Variants in PGM1 observed in about 807,000 individuals in gnomAD.
The protein encoded by PGM1 is phosphoglucomutase-1.
Under a neutral mutation model 55.6 loss-of-function variants are expected in PGM1, and 52 were observed. The ratio of observed to expected loss-of-function variants is 0.94; its 90% CI spans 0.75 to 1.18. The LOEUF (loss-of-function observed/expected upper bound fraction) is 1.18. PGM1 is among the 50% of genes most tolerant of loss of function. The probability of loss-of-function intolerance (pLI) is 0.00; values close to 1 mark genes in which losing one functional copy is unlikely to be tolerated. For synonymous variants in PGM1, 287 were observed against 271.7 expected, an observed-to-expected ratio of 1.06 and a Z score of -0.55; for missense variants, 724 against 729.3, an observed-to-expected ratio of 0.99 and a Z score of 0.08.
chr1:63,623,904 A>T, intron 1 of PGM1: 1 of 613,604 alleles, frequency 1.6e-6, no homozygotes, highest in South Asian at 2.2e-5. Context: ...AACTTCAGTG[A>T]TTGTATATTG....
chr1:63,623,760 G>C, intron 1 of PGM1: 1 of 1,604,264 alleles, frequency 6.2e-7, no homozygotes, highest in African/African-American at 1.3e-5. Flanking sequence ...CTGCCAATGG[G>C]GTGGGTATAT....
intron 7 of PGM1, among the ~76,000 whole-genome samples, chr1:63,641,611 C>A (rs1649520467): frequency 6.6e-6 from 1 of 152,178 alleles, no homozygotes; most frequent in South Asian, 2.1e-4. Flanking sequence ...GAGACAATTT[C>A]TCAAAAACGT....
chr1:63,651,394 C>T, intron 8 of PGM1: 2 of 406,864 alleles, frequency 4.9e-6, no homozygotes, highest in Middle Eastern at 7.3e-4. Context: ...GCCTTTGAAA[C>T]ATCTTAGAGC....
chr1:63,636,841 T>A (rs994569979), intron 6 of PGM1, among the ~76,000 whole-genome samples: 8 of 152,212 alleles, frequency 5.3e-5, no homozygotes, highest in Admixed American at 1.3e-4. Context: ...TTCTGGAGGA[T>A]CACTTTTCTT....
In PGM1 at chr1:63,634,985, A is replaced by G. The variant is rs1482368227; in HGVS notation, c.839A>G (p.Glu280Gly). ...CTGGTGGAGACCATGAAGTCAGGAGAGCATGATTTTGGGGCTGCCTTTGAT... is the reference window on the plus strand; with the variant it reads ...CTGGTGGAGACCATGAAGTCAGGAGGGCATGATTTTGGGGCTGCCTTTGAT... ...ADLVETMKSG[E>G]HDFGAAFDGD... The change falls in exon 5 of 11, where the codon GAG becomes GGG. Residue 280 changes from glutamate (E) to glycine (G), a missense_variant. Around this residue, in one of 3 missense-constraint regions of PGM1, gnomAD observed 379 missense variants for 357.5 expected, o/e 1.06. Transcript: ENST00000371084. 4.3e-6 allele frequency: 7 copies of G among 1,613,920 alleles called. No individual in the cohort carries two copies. Among genetic ancestry groups the G allele is most frequent in the Middle Eastern group, 1.7e-4 (1 of 6,020 alleles).
intron 1 of PGM1, among the ~76,000 whole-genome samples, chr1:63,601,616 C>T (rs1648246327): frequency 1.3e-5 from 2 of 152,122 alleles, no homozygotes; most frequent in African/African-American, 4.8e-5. Context: ...AATGGCTAGC[C>T]GAGGGCTTCA....
At chr1:63,598,976 A>G (rs977802614) in intron 1 of PGM1, among the ~76,000 whole-genome samples, 2 of 152,210 alleles carry the variant, frequency 1.3e-5, no homozygotes, top group Admixed American at 6.5e-5. Flanking sequence ...CCATCTGCAA[A>G]CACTGCTGAA....
chr1:63,629,049 A>T (rs555545283), intron 1 of PGM1, among the ~76,000 whole-genome samples: 3 of 152,192 alleles, frequency 2.0e-5, no homozygotes, highest in African/African-American at 7.2e-5. Context: ...GATTGAAAGT[A>T]TGATTGAATT....
At chr1:63,656,993 A>G (rs527820059) in intron 10 of PGM1, among the ~76,000 whole-genome samples, 4 of 152,230 alleles carry the variant, frequency 2.6e-5, no homozygotes, top group Non-Finnish European at 5.9e-5. Flanking sequence ...ACCACAACAA[A>G]AAAGGTAAGT....
At chr1:63,655,025 A>G (rs979213183) in intron 10 of PGM1, among the ~76,000 whole-genome samples, 12 of 149,816 alleles carry the variant, frequency 8.0e-5, no homozygotes, top group African/African-American at 2.5e-4. Context: ...CTGGAGTGCA[A>G]TGGCACAATC....
At chr1:63,605,340 C>T (rs938730570) in intron 1 of PGM1, among the ~76,000 whole-genome samples, 2 of 152,144 alleles carry the variant, frequency 1.3e-5, no homozygotes, top group African/African-American at 2.4e-5. Context: ...TGATCAGTTC[C>T]ATGTGCTGGT....
At chr1:63,633,178 T>C (rs953087824) in intron 4 of PGM1, among the ~76,000 whole-genome samples, 1 of 152,182 alleles carries the variant, frequency 6.6e-6, no homozygotes, top group South Asian at 2.1e-4. Flanking sequence ...TCAGTTCTTA[T>C]GAAAGAAAGA....
chr1:63,597,241 A>T (rs1648103312), intron 1 of PGM1, among the ~76,000 whole-genome samples: 1 of 152,198 alleles, frequency 6.6e-6, no homozygotes, highest in Non-Finnish European at 1.5e-5. Flanking sequence ...TGGAGTTCCC[A>T]GAGTGGGTTT....
intron 1 of PGM1, among the ~76,000 whole-genome samples, chr1:63,617,579 C>T (rs1026322274): frequency 6.6e-6 from 1 of 151,832 alleles, no homozygotes; most frequent in East Asian, 1.9e-4. Context: ...TGGTGGCACA[C>T]ACCTGTAATC....
intron 8 of PGM1, chr1:63,651,412 T>C (rs772860693): frequency 8.5e-6 from 4 of 471,354 alleles, no homozygotes; most frequent in Non-Finnish European, 1.6e-5. Context: ...AGCTTTATTC[T>C]GTAGAAATGC....
intron 1 of PGM1, chr1:63,594,038 C>T (rs1440391945): frequency 1.1e-5 from 12 of 1,097,134 alleles, no homozygotes; most frequent in African/African-American, 1.7e-5. Flanking sequence ...CGCTGCCTTC[C>T]CTCTCCCCGT....
intron 1 of PGM1, among the ~76,000 whole-genome samples, chr1:63,614,941 TAAAG>T (rs761053572): frequency 7.3e-6 from 1 of 137,102 alleles, no homozygotes; most frequent in Non-Finnish European, 1.5e-5. Flanking sequence ...ATTTTACAAA[TAAAG>T]AAACTGAGGC....
chr1:63,653,014 C>G (rs1446748998), intron 9 of PGM1, among the ~76,000 whole-genome samples: 1 of 152,166 alleles, frequency 6.6e-6, no homozygotes, highest in Non-Finnish European at 1.5e-5. Flanking sequence ...TGTCATTAAG[C>G]CTTCAGAGAC....
At chr1:63,597,008 C>T (rs988263977) in intron 1 of PGM1, among the ~76,000 whole-genome samples, 1 of 152,180 alleles carries the variant, frequency 6.6e-6, no homozygotes, top group African/African-American at 2.4e-5. Flanking sequence ...GCTTGCTTTG[C>T]CTCAGACATT....
Sources: gnomAD v4.1 joint callset for allele counts (sites outside exome capture counted in the v4.1 genomes callset) on GRCh38, gnomAD v4.1.1 for gene constraint, gnomAD v4.1.1 regional missense constraint, MANE v1.5 for transcripts, NCBI Gene and HGNC (gene_info 2026-07-23, HGNC 2026-07-21) for gene names.